The following RIMS1 variants were observed in gnomAD, a reference collection of about 807,000 sequenced individuals.
RIMS1 encodes the protein regulating synaptic membrane exocytosis protein 1.
A neutral mutation model predicts 214.1 loss-of-function variants in RIMS1; 83 were observed. The ratio of observed to expected loss-of-function variants is 0.39; its 90% CI spans 0.32 to 0.47. The LOEUF (loss-of-function observed/expected upper bound fraction) is 0.47, where lower values mean the gene tolerates loss of function less well. Ranked by LOEUF, RIMS1 falls within the 20% of genes least tolerant of loss-of-function variation. The pLI, the probability that RIMS1 is intolerant of heterozygous loss-of-function variation, is 0.99. For missense variants in RIMS1, 2,050 were observed against 2,161.8 expected (o/e 0.95, Z 1.03); for synonymous variants, 793 against 786.8 (o/e 1.01, Z -0.13).
At chr6:72,133,075 G>C (rs1014825570) in intron 4 of RIMS1, among the ~76,000 whole-genome samples, 1 of 152,122 alleles carries the variant, frequency 6.6e-6, no homozygotes, top group Non-Finnish European at 1.5e-5. Flanking sequence ...TGAGAATGCT[G>C]TCTGAAAAAC....
intron 28 of RIMS1, among the ~76,000 whole-genome samples, chr6:72,333,011 A>G (rs2096724042): frequency 6.6e-6 from 1 of 151,856 alleles, no homozygotes; most frequent in Non-Finnish European, 1.5e-5. Flanking sequence ...ATGAGGGGAC[A>G]AGGAAGGAGG....
Position 72,371,442 on chromosome 6 carries a change from C to T in RIMS1, c.4367-19156C>T, listed in dbSNP as rs188592755. ...TGTTTTTCTTTCTAGTAGAGCACTA[C>T]TTTAAAGTGCTCTACTTAAAAGAGA... On this transcript the variant is annotated intron_variant, in intron 29 of 33. Transcript: ENST00000521978. 4.0e-3 allele frequency among the ~76,000 whole-genome samples: 609 copies of T among 152,314 alleles called. 1 individual carries two copies. Among genetic ancestry groups the T allele is most frequent in the Admixed American group, 8.2e-3 (125 of 15,306 alleles).
chr6:72,001,713 G>A (rs754900375), intron 2 of RIMS1, among the ~76,000 whole-genome samples: 63 of 152,228 alleles, frequency 4.1e-4, no homozygotes, highest in East Asian at 2.5e-3. Context: ...TATCAAACAC[G>A]ACATATTATG....
intron 18 of RIMS1, among the ~76,000 whole-genome samples, chr6:72,260,429 G>A (rs1029209982): frequency 5.9e-5 from 9 of 151,772 alleles, no homozygotes; most frequent in African/African-American, 2.2e-4. Flanking sequence ...TCTTATTTGA[G>A]GAATATTTAA....
At chr6:72,056,382 A>G (rs1055865703) in intron 2 of RIMS1, among the ~76,000 whole-genome samples, 1 of 152,194 alleles carries the variant, frequency 6.6e-6, no homozygotes, top group Non-Finnish European at 1.5e-5. Flanking sequence ...TTACATGTCT[A>G]ACAAACCTGT....
At chr6:71,932,654 G>A (rs1443931446) in intron 1 of RIMS1, among the ~76,000 whole-genome samples, 3 of 151,936 alleles carry the variant, frequency 2.0e-5, no homozygotes, top group Admixed American at 1.3e-4. Flanking sequence ...AAAAAGAGAT[G>A]GGGTTTTACT....
At chr6:71,921,923 G>A (rs1780124820) in intron 1 of RIMS1, among the ~76,000 whole-genome samples, 1 of 152,056 alleles carries the variant, frequency 6.6e-6, no homozygotes, top group Non-Finnish European at 1.5e-5. Flanking sequence ...GATTGTTCTG[G>A]TTGTCATTTT....
At chr6:72,394,572 G>C (rs966278450) in intron 31 of RIMS1, among the ~76,000 whole-genome samples, 1 of 151,966 alleles carries the variant, frequency 6.6e-6, no homozygotes, top group East Asian at 1.9e-4. Context: ...ATTCCAGAAA[G>C]TAAATCAGAT....
intron 1 of RIMS1, among the ~76,000 whole-genome samples, chr6:71,905,334 C>T (rs1288133450): frequency 1.3e-5 from 2 of 152,114 alleles, no homozygotes; most frequent in Non-Finnish European, 2.9e-5. Flanking sequence ...ACAACTTTCT[C>T]ACTAGCATAG....
intron 1 of RIMS1, among the ~76,000 whole-genome samples, chr6:71,912,308 A>G (rs1777162864): frequency 6.6e-6 from 1 of 152,282 alleles, no homozygotes. Flanking sequence ...ACATTTGAAT[A>G]CAAATCTCTG....
At chr6:71,915,826 A>G (rs758392449) in intron 1 of RIMS1, among the ~76,000 whole-genome samples, 2 of 152,158 alleles carry the variant, frequency 1.3e-5, no homozygotes, top group African/African-American at 2.4e-5. Context: ...ACAATTCCAC[A>G]TGGCTGGGAA....
chr6:72,024,900 G>GTTTTTTTTTTTTTTTTTTTTTT lies in RIMS1; in HGVS notation c.245+55839_245+55860dup, dbSNP rs777214787. Among the ~76,000 whole-genome samples the GTTTTTTTTTTTTTTTTTTTTTT allele has an allele frequency of 1.3e-4, 13 of 98,640 alleles. 1 individual carries two copies. Among genetic ancestry groups the GTTTTTTTTTTTTTTTTTTTTTT allele is most frequent in the African/African-American group, 4.5e-4 (12 of 26,588 alleles). The allele number at this position is 98,640 out of a possible 152,430, so 64.7% of individuals were successfully genotyped here. On this transcript the variant is annotated intron_variant, in intron 2 of 33. Coordinates refer to ENST00000521978, the MANE Select transcript of RIMS1 (RefSeq NM_014989.7). ...AACTCAGGATTCTTAAAATCTGTGG[G>GTTTTTTTTTTTTTTTTTTTTTT]TTTTTTTTTTTTTTTTTTTTTTTGA...
At chr6:72,376,922 G>T (rs1370197743) in intron 29 of RIMS1, among the ~76,000 whole-genome samples, 1 of 152,122 alleles carries the variant, frequency 6.6e-6, no homozygotes, top group African/African-American at 2.4e-5. Flanking sequence ...AGGATTCATT[G>T]TTTACGAAGC....
chr6:72,132,140 C>T (rs1355033209), intron 4 of RIMS1, among the ~76,000 whole-genome samples: 1 of 152,136 alleles, frequency 6.6e-6, no homozygotes, highest in African/African-American at 2.4e-5. Context: ...GACATACATC[C>T]TCCTCTGTTT....
At chr6:71,993,841 C>T (rs1259129900) in intron 2 of RIMS1, among the ~76,000 whole-genome samples, 1 of 152,120 alleles carries the variant, frequency 6.6e-6, no homozygotes, top group Non-Finnish European at 1.5e-5. Flanking sequence ...AACTGGAGTT[C>T]TTTCAGAAAT....
chr6:72,083,409 C>T (rs373903496), intron 2 of RIMS1, among the ~76,000 whole-genome samples: 7 of 152,030 alleles, frequency 4.6e-5, no homozygotes, highest in East Asian at 1.9e-4. Context: ...ACGTGTTCCA[C>T]CAGTGGTTGT....
chr6:72,350,841 T>C (rs1009017916), intron 29 of RIMS1, among the ~76,000 whole-genome samples: 1 of 152,072 alleles, frequency 6.6e-6, no homozygotes, highest in African/African-American at 2.4e-5. Context: ...CAGCTCAGAG[T>C]GCAAAATTAT....
chr6:72,007,570 C>A (rs1489925605), intron 2 of RIMS1, among the ~76,000 whole-genome samples: 1 of 152,120 alleles, frequency 6.6e-6, no homozygotes, highest in African/African-American at 2.4e-5. Flanking sequence ...AAGTTAAAAA[C>A]CTTGAAAACA....
chr6:71,962,938 T>C (rs1237548016), intron 1 of RIMS1, among the ~76,000 whole-genome samples: 1 of 146,194 alleles, frequency 6.8e-6, no homozygotes, highest in Non-Finnish European at 1.5e-5. Context: ...AAGGTCACTT[T>C]ACACTTCTAG....
Sources: allele counts gnomAD v4.1 joint callset (sites outside exome capture counted in the v4.1 genomes callset), GRCh38; gene constraint gnomAD v4.1.1; transcripts MANE v1.5; gene names NCBI Gene and HGNC (gene_info 2026-07-23, HGNC 2026-07-21).